The following CANX variants were observed in gnomAD, a reference collection of about 807,000 sequenced individuals.
The protein encoded by CANX is calnexin, also known as epididymis secretory sperm binding protein.
A neutral mutation model predicts 75.7 loss-of-function variants in CANX; 14 were observed. That is an observed-to-expected ratio of 0.19 (90% CI 0.12 to 0.29). The LOEUF is 0.29. Ranked by LOEUF, CANX falls within the 10% of genes least tolerant of loss-of-function variation. The probability of loss-of-function intolerance (pLI) is 1.00; values close to 1 mark genes in which losing one functional copy is unlikely to be tolerated. For missense variants in CANX, 567 were observed against 713.2 expected (o/e 0.79, Z 2.34); for synonymous variants, 227 against 236.9 (o/e 0.96, Z 0.38).
intron 9 of CANX, 27 bp from the exon 10 acceptor site, chr5:179,720,377 T>A: frequency 6.2e-7 from 1 of 1,606,994 alleles, no homozygotes; most frequent in Middle Eastern, 1.7e-4. Context: ...AGAACCTGTT[T>A]ATAATTTGTT....
At chr5:179,694,456 C>A, upstream of CANX, 1 of 698,890 alleles carries the variant, frequency 1.4e-6, no homozygotes, top group South Asian at 1.6e-5. Flanking sequence ...GATCCTAGTG[C>A]CCCCAAAAGG....
At chr5:179,722,752 A>G (rs1339203509) in intron 10 of CANX, 52 bp from the exon 11 acceptor site, 1 of 1,300,264 alleles carries the variant, frequency 7.7e-7, no homozygotes, top group Admixed American at 1.9e-5. Flanking sequence ...TTCACCATAA[A>G]CTTTTGTTGA....
chr5:179,680,964 G>T, intron 1 of CANX: 1 of 1,493,238 alleles, frequency 6.7e-7, no homozygotes, highest in Non-Finnish European at 9.0e-7. Flanking sequence ...ATGTTTCCCC[G>T]TTAGTCCTCA....
At chr5:179,726,889 G>A in intron 14 of CANX, 130 bp downstream of exon 14, 1 of 634,344 alleles carries the variant, frequency 1.6e-6, no homozygotes, top group Non-Finnish European at 2.9e-6. Flanking sequence ...TTTTGTTGAA[G>A]TGGGATTCTT....
chr5:179,679,265 G>A (rs1202049991), intron 1 of CANX: 3 of 1,520,720 alleles, frequency 2.0e-6, no homozygotes, highest in Non-Finnish European at 2.6e-6. Context: ...AGGGGGCGCT[G>A]CTGGGAGACA....
At chr5:179,716,764 T>C (rs1398132225) in intron 8 of CANX, among the ~76,000 whole-genome samples, 1 of 152,174 alleles carries the variant, frequency 6.6e-6, no homozygotes, top group Non-Finnish European at 1.5e-5. Context: ...TTGTGAGGCA[T>C]GATGTTGGCA....
At chr5:179,689,162 G>A (rs1382086051) in intron 1 of CANX, among the ~76,000 whole-genome samples, 2 of 151,948 alleles carry the variant, frequency 1.3e-5, no homozygotes, top group Non-Finnish European at 2.9e-5. Flanking sequence ...GCTGAGAATC[G>A]CTTAAACCCA....
At chr5:179,695,464 G>A (rs1350438864), upstream of CANX, among the ~76,000 whole-genome samples, 2 of 151,846 alleles carry the variant, frequency 1.3e-5, no homozygotes, top group African/African-American at 4.8e-5. Flanking sequence ...CGAGTAGCTG[G>A]GATTACAGGC....
At chr5:179,708,186 A>G (rs1777292213) in intron 4 of CANX, 53 bp from the exon 5 acceptor site, 3 of 1,529,514 alleles carry the variant, frequency 2.0e-6, no homozygotes, top group Admixed American at 1.7e-5. Context: ...TGGCATTTAA[A>G]GGACCTTCAG....
At chr5:179,705,906 TGAA>T in intron 2 of CANX, 54 bp downstream of exon 2, 3 of 1,472,848 alleles carry the variant, frequency 2.0e-6, no homozygotes, top group Non-Finnish European at 2.8e-6. Flanking sequence ...GATAAAATTA[TGAA>T]GATACCCGGG....
At chr5:179,711,945 A>G (rs1352481696) in intron 7 of CANX, among the ~76,000 whole-genome samples, 5 of 151,800 alleles carry the variant, frequency 3.3e-5, no homozygotes, top group South Asian at 2.1e-4. Context: ...TGAAAATACA[A>G]AAATTAGCCG....
chr5:179,696,358 C>T (rs898712036), upstream of CANX, among the ~76,000 whole-genome samples: 1 of 144,380 alleles, frequency 6.9e-6, no homozygotes, highest in Non-Finnish European at 1.5e-5. Context: ...TCACTGCAAC[C>T]TCTGCCTCCC....
chr5:179,704,588 C>A (rs1292756467), intron 1 of CANX, among the ~76,000 whole-genome samples: 1 of 151,270 alleles, frequency 6.6e-6, no homozygotes, highest in Non-Finnish European at 1.5e-5. Flanking sequence ...GTAATCCCAG[C>A]ACTTTGGGAG....
At position 179,724,642 on chromosome 5, in the gene CANX, T is replaced by C; in HGVS notation, c.1519-15T>C. 3 of 1,609,642 alleles carry C rather than the reference T, an allele frequency of 1.9e-6. No individual in the cohort carries two copies. Among genetic ancestry groups the C allele is most frequent in the South Asian group, 1.1e-5 (1 of 90,772 alleles). On this transcript the variant is annotated splice_polypyrimidine_tract_variant and intron_variant, in intron 12 of 14. Transcript: ENST00000247461. ...TGAACATGTAAACAAAATTGTACTT[T>C]GGGGAACATTTCAGAAACAGACCAG...
At chr5:179,713,947 G>T (rs149264012) in intron 7 of CANX, among the ~76,000 whole-genome samples, 1 of 151,990 alleles carries the variant, frequency 6.6e-6, no homozygotes, top group African/African-American at 2.4e-5. Flanking sequence ...AATGTTTAAG[G>T]TTACAGATAT....
chr5:179,726,755 C>A lies in CANX; in HGVS notation c.1721C>A (p.Ala574Glu). The A allele has an allele frequency of 6.2e-7, 1 of 1,609,610 alleles. No individual in the cohort carries two copies. The highest frequency in any genetic ancestry group is 8.5e-7 in the Non-Finnish European group (1 of 1,176,088). ...SQEEEDRKPK[A>E]EEDEILNRSP... ...GAGGAGGAAGACAGAAAACCTAAAG[C>A]AGAGGTAAAGGAAAGGGGTCACACA... Residue 574 changes from alanine to glutamate, a missense_variant, in exon 14 of 15, where the codon GCA becomes GAA. Ala to Glu is a moderately radical substitution (Grantham distance 107). This residue lies in a region of CANX where 167 missense variants were observed against 179.3 expected (regional missense o/e 0.93). Transcript: ENST00000247461.
rs765480920 is a variant in CANX, at chr5:179,723,767, C to T, written c.1506C>T (p.Cys502=). Residue 502 remains cysteine, a synonymous_variant, in exon 12 of 15, where the codon TGC becomes TGT. Coordinates refer to ENST00000247461, the MANE Select transcript of CANX (RefSeq NM_001746.4). ...CTGTGTTCCTGGTTATCCTCTTCTG[C>T]TGTTCTGGAAAGGTAGGAAGTTTTT... ...ALPVFLVILF[C]CSGKKQTSGM... 2 of 1,609,178 alleles carry T rather than the reference C, an allele frequency of 1.2e-6. No homozygotes were observed. Among genetic ancestry groups the T allele is most frequent in the East Asian group, 2.2e-5 (1 of 44,792 alleles).
intron 7 of CANX, chr5:179,715,842 C>G: frequency 2.2e-6 from 1 of 447,896 alleles, no homozygotes. Context: ...TTTTTAGTGT[C>G]TATAAGTCAA....
chr5:179,684,164 A>G (rs770444657), intron 1 of CANX, among the ~76,000 whole-genome samples: 22 of 152,302 alleles, frequency 1.4e-4, no homozygotes, highest in Non-Finnish European at 2.6e-4. Context: ...AGCCACTAAC[A>G]GTGAGTGAAA....
Sources: gnomAD v4.1 joint callset for allele counts (sites outside exome capture counted in the v4.1 genomes callset) on GRCh38, gnomAD v4.1.1 for gene constraint, gnomAD v4.1.1 regional missense constraint, MANE v1.5 for transcripts, NCBI Gene and HGNC (gene_info 2026-07-23, HGNC 2026-07-21) for gene names.